AARS1: variants seen among roughly 807,000 people sequenced by gnomAD.
AARS1 encodes the protein alanine--tRNA ligase, cytoplasmic.
A neutral mutation model predicts 108.9 loss-of-function variants in AARS1; 72 were observed. The ratio of observed to expected loss-of-function variants is 0.66; its 90% CI spans 0.55 to 0.80. The LOEUF (loss-of-function observed/expected upper bound fraction) is 0.80, where lower values mean the gene tolerates loss of function less well. AARS1 is among the 30% of genes least tolerant of loss of function. AARS1 has a pLI of 0.00. For missense variants in AARS1, 1,193 were observed against 1,233.2 expected, an observed-to-expected ratio of 0.97 and a Z score of 0.49; for synonymous variants, 489 against 465.7, an observed-to-expected ratio of 1.05 and a Z score of -0.64.
intron 14 of AARS1, among the ~76,000 whole-genome samples, chr16:70,258,648 C>T (rs528867248): frequency 1.1e-4 from 16 of 152,264 alleles, no homozygotes; most frequent in Admixed American, 4.6e-4. Flanking sequence ...TCACTGCAAG[C>T]TCCACCTCCC....
chr16:70,274,066 T>G (rs1567609410), intron 4 of AARS1, among the ~76,000 whole-genome samples: 1 of 150,956 alleles, frequency 6.6e-6, no homozygotes, highest in Non-Finnish European at 1.5e-5. Context: ...CTTGGTGTGG[T>G]GGCTCATGCC....
chr16:70,282,830 T>A, intron 1 of AARS1, 46 bp from the exon 2 acceptor site: 1 of 1,581,742 alleles, frequency 6.3e-7, no homozygotes, highest in Non-Finnish European at 8.7e-7. Flanking sequence ...GAATTGAAAG[T>A]CAAAGTACAC....
chr16:70,273,295 C>T (rs1459570018), intron 4 of AARS1, among the ~76,000 whole-genome samples: 4 of 152,190 alleles, frequency 2.6e-5, no homozygotes, highest in African/African-American at 7.2e-5. Flanking sequence ...AGAGGGCACA[C>T]ACCCCATGTT....
At chr16:70,282,889 G>A (rs981413784) in intron 1 of AARS1, 105 bp from the exon 2 acceptor site, 7 of 1,146,204 alleles carry the variant, frequency 6.1e-6, no homozygotes, top group African/African-American at 1.5e-5. Flanking sequence ...CACGACTCAG[G>A]TGAGCTGTTT....
chr16:70,286,029 C>T (rs1960829778), intron 1 of AARS1, among the ~76,000 whole-genome samples: 1 of 152,128 alleles, frequency 6.6e-6, no homozygotes, highest in Non-Finnish European at 1.5e-5. Flanking sequence ...AGCCTATGTC[C>T]TTCCTGAGGA....
chr16:70,269,985 T>C (rs1456123910), intron 6 of AARS1, among the ~76,000 whole-genome samples: 2 of 150,844 alleles, frequency 1.3e-5, no homozygotes, highest in African/African-American at 4.9e-5. Context: ...ACATTATTAT[T>C]TTTTTTTTGT....
At chr16:70,256,777 GA>G (rs1567602377) in intron 15 of AARS1, among the ~76,000 whole-genome samples, 2 of 152,040 alleles carry the variant, frequency 1.3e-5, no homozygotes, top group African/African-American at 4.8e-5. Flanking sequence ...CTGCCTGCCA[GA>G]GGCCTGCAGG....
chr16:70,279,177 C>T (rs989543004), intron 2 of AARS1, among the ~76,000 whole-genome samples: 2 of 151,416 alleles, frequency 1.3e-5, no homozygotes, highest in Admixed American at 6.6e-5. Flanking sequence ...TGGTGAAACC[C>T]CATCTCTACT....
chr16:70,288,749 T>TA (rs1173549611), intron 1 of AARS1, among the ~76,000 whole-genome samples: 2 of 151,584 alleles, frequency 1.3e-5, no homozygotes, highest in African/African-American at 2.4e-5. Flanking sequence ...GTATTTTTAG[T>TA]AAAGACGGGG....
chr16:70,281,644 C>T (rs1286589408), intron 2 of AARS1, among the ~76,000 whole-genome samples: 3 of 151,902 alleles, frequency 2.0e-5, no homozygotes, highest in South Asian at 2.1e-4. Flanking sequence ...CCAGTCTGGA[C>T]GACAGCGAGA....
intron 5 of AARS1, 81 bp from the exon 6 acceptor site, chr16:70,270,421 T>G: frequency 6.4e-7 from 1 of 1,569,262 alleles, no homozygotes; most frequent in Non-Finnish European, 8.8e-7. Context: ...AAAATTCATT[T>G]ACAGAACAGT....
intron 17 of AARS1, 75 bp downstream of exon 17, chr16:70,254,546 A>C: frequency 9.3e-7 from 1 of 1,070,434 alleles, no homozygotes; most frequent in Non-Finnish European, 1.5e-6. Flanking sequence ...CTGACTGACT[A>C]CAGATGATTT....
chr16:70,265,674 A>T lies in AARS1; in HGVS notation c.1223-12T>A. ...CCAAGCAGTGTCTCCTACACAGCAC[A>T]AAGGAGGTGTGTCAAAAAAAACAGA... is the stretch of plus-strand genomic sequence containing the variant. On this transcript the variant is annotated splice_polypyrimidine_tract_variant and intron_variant, in intron 9 of 20. Coordinates refer to ENST00000261772, the MANE Select transcript of AARS1 (RefSeq NM_001605.3). 1 of 1,612,742 alleles carries T rather than the reference A, an allele frequency of 6.2e-7. No homozygotes were observed. Among genetic ancestry groups the T allele is most frequent in the Non-Finnish European group, 8.5e-7 (1 of 1,179,248 alleles).
intron 9 of AARS1, among the ~76,000 whole-genome samples, chr16:70,266,641 T>C (rs1960270396): frequency 6.6e-6 from 1 of 150,920 alleles, no homozygotes; most frequent in Admixed American, 6.6e-5. Flanking sequence ...CCTGCTTCAG[T>C]CTCCCGAGTA....
intron 15 of AARS1, 61 bp downstream of exon 15, chr16:70,257,972 C>CCTACA (rs1176555662): frequency 1.3e-6 from 2 of 1,591,344 alleles, no homozygotes; most frequent in African/African-American, 2.7e-5. Flanking sequence ...CAGCCTAAGA[C>CCTACA]CTACATCCTC....
chr16:70,288,724 GC>G (rs1960940235), intron 1 of AARS1, among the ~76,000 whole-genome samples: 2 of 151,786 alleles, frequency 1.3e-5, no homozygotes, highest in African/African-American at 4.8e-5. Context: ...GCGCCGCCAC[GC>G]TCGGCTAATT....
Position 70,265,524 on chromosome 16 carries a change from T to A in AARS1, c.1347+14A>T, listed in dbSNP as rs915904032. ...AAGGTGTTGGGTTTCCTGTTCACTC[T>A]CCAAGTTCTTTACCTGGGCCAGTTT... is the stretch of plus-strand genomic sequence containing the variant. On this transcript the variant is annotated intron_variant, in intron 10 of 20. Coordinates refer to ENST00000261772, the MANE Select transcript of AARS1 (RefSeq NM_001605.3). The A allele has an allele frequency of 3.7e-6, 6 of 1,613,580 alleles. No individual in the cohort carries two copies. The African/African-American group carries it at 8.0e-5, about 22-fold the overall frequency.
chr16:70,284,520 T>C (rs1436809818), intron 1 of AARS1, among the ~76,000 whole-genome samples: 1 of 148,932 alleles, frequency 6.7e-6, no homozygotes, highest in South Asian at 2.1e-4. Context: ...GAGAATGGCG[T>C]GAACCCAGGA....
chr16:70,268,208 C>A (rs1227882642), intron 8 of AARS1, 63 bp downstream of exon 8: 11 of 1,457,158 alleles, frequency 7.5e-6, no homozygotes, highest in Non-Finnish European at 8.7e-6. Flanking sequence ...TATGCCCTCT[C>A]CCACTCCATC....
Sources: gnomAD v4.1 joint callset for allele counts (sites outside exome capture counted in the v4.1 genomes callset) on GRCh38, gnomAD v4.1.1 for gene constraint, MANE v1.5 for transcripts, NCBI Gene and HGNC (gene_info 2026-07-23, HGNC 2026-07-21) for gene names.